The following GGA1 variants were observed in gnomAD, a reference collection of about 807,000 sequenced individuals.
GGA1 encodes the protein golgi associated, gamma adaptin ear containing, ARF binding protein 1, also known as ADP-ribosylation factor-binding protein GGA1.
A neutral mutation model predicts 76.9 loss-of-function variants in GGA1; 18 were observed. That is an observed-to-expected ratio of 0.23 (90% confidence interval 0.16 to 0.35). The LOEUF is 0.35. Among genes scored for constraint, GGA1 ranks in the 10% least tolerant of loss-of-function variants. The probability of loss-of-function intolerance (pLI) is 1.00; values close to 1 mark genes in which losing one functional copy is unlikely to be tolerated. For missense variants in GGA1, 755 were observed against 859.0 expected (o/e 0.88, Z 1.51); for synonymous variants, 342 against 354.7 (o/e 0.96, Z 0.40).
In GGA1 at chr22:37,609,325, C is replaced by T. The variant is rs766897913; in HGVS notation, c.43+422C>T. 19 of 1,102,568 alleles carry T rather than the reference C, an allele frequency of 1.7e-5. No homozygotes were observed. In the South Asian group the frequency reaches 3.1e-4, roughly 18 times the overall value. The allele number at this position is 1,102,568 out of a possible 1,614,324, so 68.3% of individuals were successfully genotyped here. A position where few individuals can be genotyped will look rare whatever the true frequency, so the allele number is the denominator to read the frequency against. On this transcript the variant is annotated intron_variant, in intron 1 of 16. Transcript: ENST00000343632. ...CTATTTTCAGGCCCCGAATCCTCCA[C>T]TCTCTGGCCCTGCATGGCGTTCCTG...
At chr22:37,609,200 C>T (rs1405192935) in intron 1 of GGA1, 3 of 1,328,028 alleles carry the variant, frequency 2.3e-6, no homozygotes, top group Non-Finnish European at 2.9e-6. Context: ...CAGCCTCCAA[C>T]CCCCAAGGCT....
In GGA1 at chr22:37,632,317, C is replaced by T. The variant is rs936527465; in HGVS notation, c.1699-88C>T. 17 of 1,324,084 alleles carry T rather than the reference C, an allele frequency of 1.3e-5. No individual in the cohort carries two copies. Among genetic ancestry groups the T allele is most frequent in the South Asian group, 6.1e-5 (5 of 82,308 alleles). 82.0% of individuals were successfully genotyped at this position (1,324,084 alleles called of 1,614,324 possible). A position where few individuals can be genotyped will look rare whatever the true frequency, so the allele number is the denominator to read the frequency against. ...CAGAAGGACTGAGCCCCAGGATCCC[C>T]GGAGGGGAGCTGGCAGGCTGGGCCT... On this transcript the variant is annotated intron_variant, in intron 15 of 16. Coordinates refer to ENST00000343632, the MANE Select transcript of GGA1 (RefSeq NM_013365.5). This position sits in a 1 kb window ranked among gnomAD's most constrained non-coding sequence, Gnocchi z 5.1.
At position 37,620,029 on chromosome 22, in the gene GGA1, CAG is replaced by C. The variant is rs1294847231; in HGVS notation, c.304-207_304-206del. 27 of 632,486 alleles carry C rather than the reference CAG, an allele frequency of 4.3e-5. No homozygotes were observed. The East Asian group carries it at 6.9e-4, about 16-fold the overall frequency. The allele number at this position is 632,486 out of a possible 1,614,324, so 39.2% of individuals were successfully genotyped here. On this transcript the variant is annotated intron_variant, in intron 4 of 16. Transcript: ENST00000343632. ...TGGTGCCATCTAGCAGGTGGGGAAA[CAG>C]ACACTGAGGGCTGACCCAGCTAATA...
At chr22:37,618,174 C>T (rs887750799) in intron 3 of GGA1, 17 of 340,218 alleles carry the variant, frequency 5.0e-5, no homozygotes, top group Non-Finnish European at 8.0e-5. Flanking sequence ...ACAGTTGGTA[C>T]TCAGATGTGG....
intron 4 of GGA1, 80 bp from the exon 5 acceptor site, chr22:37,620,158 C>T: frequency 1.3e-6 from 2 of 1,518,570 alleles, no homozygotes; most frequent in Middle Eastern, 1.7e-4. Context: ...CCTGGGGAGG[C>T]AGTAGGGTGT....
At chr22:37,626,014 C>G in intron 11 of GGA1, 65 bp downstream of exon 11, 1 of 1,344,750 alleles carries the variant, frequency 7.4e-7, no homozygotes, top group South Asian at 1.4e-5. Context: ...ATCCCAGGGC[C>G]CACTCACAGC....
In GGA1 at chr22:37,628,354, C is replaced by T. The variant is rs887141954; in HGVS notation, c.1094-1108C>T. 3.9e-5 allele frequency among the ~76,000 whole-genome samples: 6 copies of T among 152,326 alleles called. No homozygotes were observed. The South Asian group carries it at 1.2e-3, about 32-fold the overall frequency. ...CTGGGATTACAGACATTAGCCACTG[C>T]ACCTGGCTGGTGTCTCCATTTTACA... On this transcript the variant is annotated intron_variant, in intron 11 of 16. Coordinates refer to ENST00000343632, the MANE Select transcript of GGA1 (RefSeq NM_013365.5).
intron 1 of GGA1, among the ~76,000 whole-genome samples, chr22:37,611,293 C>G (rs556090992): frequency 4.6e-5 from 7 of 152,132 alleles, no homozygotes; most frequent in African/African-American, 1.7e-4. Context: ...TTCGTCCTTC[C>G]GATCTCAGCT....
chr22:37,630,571 CT>C, intron 13 of GGA1: 1 of 444,544 alleles, frequency 2.2e-6, no homozygotes, highest in Non-Finnish European at 4.0e-6. Context: ...CAAAGAATCA[CT>C]TTTTCTTTTT....
Position 37,632,085 on chromosome 22 carries a change from G to A in GGA1, c.1618G>A (p.Val540Met), listed in dbSNP as rs764151001. Residue 540 changes from valine to methionine, a missense_variant, in exon 15 of 17, where the codon GTG (valine) becomes ATG (methionine). Physicochemically the swap from Val to Met is conservative, Grantham distance 21. Coordinates refer to ENST00000343632, the MANE Select transcript of GGA1 (RefSeq NM_013365.5). The surrounding 1 kb of genome is among the most constrained non-coding windows in gnomAD (Gnocchi z 5.1). ...ARDPLPGRSD[V>M]LVVVVSMLST... is the part of the protein sequence containing the mutation. ...GGACCCACTGCCAGGGCGCTCCGAC[G>A]TGCTGGTGGTGGTGGTTTCCATGCT... is the stretch of plus-strand genomic sequence containing the variant. The A allele has an allele frequency of 2.9e-5, 46 of 1,613,658 alleles. No homozygotes were observed. Among genetic ancestry groups the A allele is most frequent in the African/African-American group, 4.0e-5 (3 of 74,930 alleles).
Position 37,624,622 on chromosome 22 carries a change from C to A in GGA1, c.833-347C>A, listed in dbSNP as rs1293370464. Reference sequence around the variant, plus strand: ...TGCAGGAGGGATTTAGGACAGGCCTCCCTGAGGTGAGCCTTGGGTGAAGAC... The same window carrying A: ...TGCAGGAGGGATTTAGGACAGGCCTACCTGAGGTGAGCCTTGGGTGAAGAC... On this transcript the variant is annotated intron_variant, in intron 9 of 16. Transcript: ENST00000343632. This position sits in a 1 kb window ranked among gnomAD's most constrained non-coding sequence, Gnocchi z 4.3. 4.1e-6 allele frequency: 1 copy of A among 244,270 alleles called. No homozygotes were observed. The highest frequency in any genetic ancestry group is 8.6e-5 in the East Asian group (1 of 11,624). 15.1% of individuals were successfully genotyped at this position (244,270 alleles called of 1,614,324 possible). A position where few individuals can be genotyped will look rare whatever the true frequency, so the allele number is the denominator to read the frequency against.
At chr22:37,613,755 C>G (rs1285471248) in intron 1 of GGA1, among the ~76,000 whole-genome samples, 5 of 152,174 alleles carry the variant, frequency 3.3e-5, no homozygotes, top group African/African-American at 4.8e-5. Context: ...TATTGAGAAC[C>G]TAGCTTCCCT....
chr22:37,615,490 G>A (rs1601510758), intron 2 of GGA1, among the ~76,000 whole-genome samples: 3 of 152,064 alleles, frequency 2.0e-5, no homozygotes, highest in African/African-American at 7.2e-5. Context: ...ATAAGGCCGG[G>A]TGTGGTGGCT....
chr22:37,623,572 G>A lies in GGA1; in HGVS notation c.771G>A (p.Glu257=). Residue 257 remains glutamate, a synonymous_variant, in exon 9 of 17, where the codon GAG becomes GAA. Transcript: ENST00000343632. This position sits in a 1 kb window ranked among gnomAD's most constrained non-coding sequence, Gnocchi z 4.6. ...DLMKELYQRC[E]RMRPTLFRLA... is the part of the protein sequence containing the mutation. ...CTCAGGAACTGTACCAGCGCTGTGA[G>A]CGGATGCGGCCCACGCTCTTCCGAC... is the stretch of plus-strand genomic sequence containing the variant. The A allele has an allele frequency of 1.2e-6, 2 of 1,610,992 alleles. No homozygotes were observed. Among genetic ancestry groups the A allele is most frequent in the African/African-American group, 2.7e-5 (2 of 74,964 alleles).
rs138927569 is a variant in GGA1, at chr22:37,631,032, G to A, written c.1461G>A (p.Pro487=). ...HTVSPEPPRP[P]QQPVPTELSL... ...TGTCCCCAGAGCCCCCCAGGCCTCCGCAGCAGCCCGTACCAACCGAGCTCT... is the reference window on the plus strand; with the variant it reads ...TGTCCCCAGAGCCCCCCAGGCCTCCACAGCAGCCCGTACCAACCGAGCTCT... Residue 487 remains proline, a synonymous_variant, in exon 14 of 17, where the codon CCG becomes CCA. Transcript: ENST00000343632. 26 of 1,612,654 alleles carry A rather than the reference G, an allele frequency of 1.6e-5. No individual in the cohort carries two copies. The highest frequency in any genetic ancestry group is 1.6e-4 in the Middle Eastern group (1 of 6,074).
intron 1 of GGA1, chr22:37,609,233 G>A: frequency 2.5e-6 from 3 of 1,207,064 alleles, no homozygotes; most frequent in Middle Eastern, 2.2e-4. Context: ...CGGAGTAGCG[G>A]CCCGGGGAAG....
intron 14 of GGA1, 49 bp downstream of exon 14, chr22:37,631,148 C>CCTGT (rs1453446715): frequency 7.1e-7 from 1 of 1,399,986 alleles, no homozygotes; most frequent in Non-Finnish European, 9.6e-7. Context: ...AGCTTGCTGC[C>CCTGT]CTGTCAGGAG....
At chr22:37,613,736 G>GT (rs1928202543) in intron 1 of GGA1, among the ~76,000 whole-genome samples, 1 of 152,088 alleles carries the variant, frequency 6.6e-6, no homozygotes, top group Non-Finnish European at 1.5e-5. Context: ...GCTTCCCTCT[G>GT]TCACACGTTA....
chr22:37,623,403 C>T lies in GGA1; in HGVS notation c.686C>T (p.Thr229Met), dbSNP rs374593268. 2.5e-6 allele frequency: 4 copies of T among 1,613,748 alleles called. No homozygotes were observed. Among genetic ancestry groups the T allele is most frequent in the Non-Finnish European group, 3.4e-6 (4 of 1,179,662 alleles). ...GTGAACAACAATGTGAAACTGCTCACGGAGATGGTGATGAGCCACAGCCAG... is the reference window on the plus strand; with the variant it reads ...GTGAACAACAATGTGAAACTGCTCATGGAGATGGTGATGAGCCACAGCCAG... Reference protein sequence around the residue: ...EEVNNNVKLLTEMVMSHSQGG... With the variant: ...EEVNNNVKLLMEMVMSHSQGG... The change falls in exon 8 of 17, where the codon ACG becomes ATG. Residue 229 changes from threonine to methionine, a missense_variant. Thr to Met is a moderately conservative substitution (Grantham distance 81, BLOSUM62 -1). Coordinates refer to ENST00000343632, the MANE Select transcript of GGA1 (RefSeq NM_013365.5). This position sits in a 1 kb window ranked among gnomAD's most constrained non-coding sequence, Gnocchi z 4.6.
Sources: allele counts gnomAD v4.1 joint callset (sites outside exome capture counted in the v4.1 genomes callset), GRCh38; gene constraint gnomAD v4.1.1; non-coding constraint Gnocchi (gnomAD v3.1); transcripts MANE v1.5; gene names NCBI Gene and HGNC (gene_info 2026-07-23, HGNC 2026-07-21).